BCAR3: variants seen among roughly 807,000 people sequenced by gnomAD.
BCAR3 encodes the protein breast cancer anti-estrogen resistance protein 3.
Under a neutral mutation model 80.1 loss-of-function variants are expected in BCAR3, and 37 were observed. The ratio of observed to expected loss-of-function variants is 0.46; its 90% CI spans 0.36 to 0.61. The LOEUF is 0.61. Ranked by LOEUF, BCAR3 falls within the 20% of genes least tolerant of loss-of-function variation. BCAR3 has a pLI of 0.00. For synonymous variants in BCAR3, 389 were observed against 418.9 expected (o/e 0.93, Z 0.87); for missense variants, 978 against 1,068.2 (o/e 0.92, Z 1.18).
At chr1:93,677,060 G>A (rs1648519463) in intron 1 of BCAR3, among the ~76,000 whole-genome samples, 1 of 152,152 alleles carries the variant, frequency 6.6e-6, no homozygotes, top group Non-Finnish European at 1.5e-5. Flanking sequence ...ACATTTAAGT[G>A]CCTATTTCAT....
At chr1:93,784,095 T>C (rs1393722282) in intron 2 of BCAR3, among the ~76,000 whole-genome samples, 1 of 151,764 alleles carries the variant, frequency 6.6e-6, no homozygotes, top group Non-Finnish European at 1.5e-5. Flanking sequence ...TGAGTCATCT[T>C]AGAAGTGGAT....
chr1:93,744,694 G>A (rs1651292992), intron 2 of BCAR3, among the ~76,000 whole-genome samples: 1 of 152,212 alleles, frequency 6.6e-6, no homozygotes. Flanking sequence ...CCTGAGGCCA[G>A]CAGAAACCCC....
chr1:93,675,080 T>C, intron 1 of BCAR3, 139 bp from the exon 2 acceptor site: 1 of 655,534 alleles, frequency 1.5e-6, no homozygotes, highest in South Asian at 2.6e-5. Flanking sequence ...TTTAATGGCA[T>C]CACTAGTGGA....
At chr1:93,688,473 G>A (rs1450593656) in intron 3 of BCAR3, among the ~76,000 whole-genome samples, 1 of 151,230 alleles carries the variant, frequency 6.6e-6, no homozygotes, top group Non-Finnish European at 1.5e-5. Context: ...ACACCAAAAC[G>A]TCTCTGGATA....
intron 7 of BCAR3, among the ~76,000 whole-genome samples, chr1:93,581,307 T>C (rs1673697499): frequency 6.6e-6 from 1 of 152,220 alleles, no homozygotes; most frequent in Non-Finnish European, 1.5e-5. Context: ...CATGTATCCA[T>C]TTACAGAGAA....
intron 2 of BCAR3, among the ~76,000 whole-genome samples, chr1:93,650,347 T>C (rs1256505552): frequency 6.6e-6 from 1 of 152,192 alleles, no homozygotes; most frequent in Non-Finnish European, 1.5e-5. Context: ...ATTATGCCAT[T>C]GCACACCAAC....
At chr1:93,714,229 C>G (rs1650123137) in intron 2 of BCAR3, among the ~76,000 whole-genome samples, 1 of 152,234 alleles carries the variant, frequency 6.6e-6, no homozygotes, top group African/African-American at 2.4e-5. Flanking sequence ...GATCCGCCCA[C>G]CTCGGCCTCC....
intron 3 of BCAR3, among the ~76,000 whole-genome samples, chr1:93,625,047 AAAAATAC>A: frequency 6.6e-6 from 1 of 152,154 alleles, no homozygotes; most frequent in Non-Finnish European, 1.5e-5. Flanking sequence ...CACCTCTACT[AAAAATAC>A]AAAAAAATTA....
intron 2 of BCAR3, among the ~76,000 whole-genome samples, chr1:93,752,101 T>G (rs1284678852): frequency 3.3e-5 from 5 of 152,242 alleles, no homozygotes; most frequent in Admixed American, 3.3e-4. Flanking sequence ...CAGACACTTC[T>G]TGCTGGCAAG....
In BCAR3 at chr1:93,561,746, G is replaced by T. The variant is rs1054362354; in HGVS notation, c.*495C>A. On this transcript the variant is annotated 3_prime_UTR_variant, in exon 12 of 12. Coordinates refer to ENST00000260502, the MANE Select transcript of BCAR3 (RefSeq NM_003567.4). Reference sequence around the variant, plus strand: ...GAGGTAGCTAAGAGGTAGAGTTATTGTACCAAGATGAGTTGTTTAATATGA... The same window carrying T: ...GAGGTAGCTAAGAGGTAGAGTTATTTTACCAAGATGAGTTGTTTAATATGA... 1 of 152,652 alleles carries T rather than the reference G, an allele frequency of 6.6e-6. No individual in the cohort carries two copies. Among genetic ancestry groups the T allele is most frequent in the African/African-American group, 2.4e-5 (1 of 41,450 alleles). 9.5% of individuals were successfully genotyped at this position (152,652 alleles called of 1,614,324 possible).
At chr1:93,738,023 G>A (rs913703583) in intron 2 of BCAR3, among the ~76,000 whole-genome samples, 1 of 152,004 alleles carries the variant, frequency 6.6e-6, no homozygotes, top group African/African-American at 2.4e-5. Flanking sequence ...TTTTAAAGAC[G>A]GGGTCTTGCT....
At chr1:93,846,778 C>T (rs1571169729) in intron 1 of BCAR3, 2 of 445,992 alleles carry the variant, frequency 4.5e-6, no homozygotes, top group East Asian at 9.3e-5. Flanking sequence ...GCGCGGCGTC[C>T]TTGGAGGCAG....
In BCAR3 at chr1:93,674,738, C is replaced by A; in HGVS notation, c.193G>T (p.Asp65Tyr). Residue 65 changes from aspartate (D) to tyrosine (Y), a missense_variant, in exon 2 of 12, where the codon GAT (aspartate) becomes TAT (tyrosine). By Grantham distance (160) the Asp-to-Tyr change is radical. Transcript: ENST00000260502. The stretch of plus-strand genomic sequence containing the variant: ...AGGGTGCCCATGTGACTGAAGTCAT[C>A]ACAGGACCTTATGGGAGGAGGACCT... ...KKGPPPIRSC[D>Y]DFSHMGTLPH... 6.2e-7 allele frequency: 1 copy of A among 1,613,762 alleles called. No individual in the cohort carries two copies. Among genetic ancestry groups the A allele is most frequent in the Non-Finnish European group, 8.5e-7 (1 of 1,179,964 alleles).
At chr1:93,689,528 T>A (rs1250674054) in intron 3 of BCAR3, among the ~76,000 whole-genome samples, 12 of 111,918 alleles carry the variant, frequency 1.1e-4, no homozygotes, top group Admixed American at 4.2e-4. Context: ...CAAAACTACA[T>A]CTCAAAAAAA....
chr1:93,769,382 TG>T (rs1361859514), intron 2 of BCAR3, among the ~76,000 whole-genome samples: 1 of 150,956 alleles, frequency 6.6e-6, no homozygotes, highest in African/African-American at 2.4e-5. Context: ...TGTGTGTGTG[TG>T]TGTGTGTGTG....
At chr1:93,686,955 G>C (rs1030899590) in intron 3 of BCAR3, among the ~76,000 whole-genome samples, 3 of 152,132 alleles carry the variant, frequency 2.0e-5, no homozygotes, top group Admixed American at 2.0e-4. Context: ...CCCAGCATAG[G>C]TCAGGTTCCC....
chr1:93,663,058 C>CT (rs1647738757), intron 2 of BCAR3, among the ~76,000 whole-genome samples: 1 of 152,148 alleles, frequency 6.6e-6, no homozygotes, highest in Non-Finnish European at 1.5e-5. Context: ...ATTAGAGTCT[C>CT]TTGTCATGGC....
chr1:93,628,468 C>A (rs113118852), intron 3 of BCAR3, among the ~76,000 whole-genome samples: 2,777 of 152,344 alleles, frequency 0.018, 136 homozygotes, highest in Admixed American at 0.11. Context: ...TCGCACATCA[C>A]CTTCTGCCAC....
chr1:93,689,573 G>A (rs1649099464), intron 3 of BCAR3, among the ~76,000 whole-genome samples: 1 of 151,702 alleles, frequency 6.6e-6, no homozygotes, highest in African/African-American at 2.4e-5. Flanking sequence ...GTTGATGCTG[G>A]TGATGCCCAT....
Sources: allele counts gnomAD v4.1 joint callset (sites outside exome capture counted in the v4.1 genomes callset), GRCh38; gene constraint gnomAD v4.1.1; transcripts MANE v1.5; gene names NCBI Gene and HGNC (gene_info 2026-07-23, HGNC 2026-07-21).